Variants in ERICH1 observed in about 807,000 individuals in gnomAD.
ERICH1 encodes the protein glutamate rich 1, also known as glutamate-rich protein 1.
In ERICH1, 56 loss-of-function variants were observed where a neutral mutation model predicts 39.6. That is an observed-to-expected ratio of 1.41 (90% confidence interval 1.14 to 1.77). ERICH1 has a LOEUF of 1.77. Among genes scored for constraint, ERICH1 ranks in the 40% most tolerant of loss-of-function variants. ERICH1 has a pLI of 0.00. For missense variants in ERICH1, 826 were observed against 575.4 expected (o/e 1.44, Z -4.45); for synonymous variants, 313 against 223.6 (o/e 1.40, Z -3.57).
At chr8:681,993 C>T (rs1313728512) in intron 3 of ERICH1, among the ~76,000 whole-genome samples, 1 of 152,188 alleles carries the variant, frequency 6.6e-6, no homozygotes, top group East Asian at 1.9e-4. Flanking sequence ...GCCAGACTCT[C>T]CCTCACCTTT....
chr8:727,833 G>A (rs1044889071), intron 1 of ERICH1, among the ~76,000 whole-genome samples: 15 of 152,224 alleles, frequency 9.9e-5, no homozygotes, highest in Non-Finnish European at 1.9e-4. Context: ...GAAACTGCAG[G>A]ACAAGGAGTC....
chr8:615,218 G>C (rs889059396), exon 4 of ERICH1: 11 of 684,618 alleles, frequency 1.6e-5, no homozygotes, highest in Non-Finnish European at 2.4e-5. Context: ...CAGCACCACA[G>C]CTGGTTAAGG....
chr8:709,857 C>T (rs1814291434), intron 2 of ERICH1, among the ~76,000 whole-genome samples: 1 of 152,156 alleles, frequency 6.6e-6, no homozygotes, highest in Non-Finnish European at 1.5e-5. Context: ...CTTCAACTGC[C>T]CCACCTAATT....
At chr8:662,439 G>A (rs1343171920), downstream of ERICH1, among the ~76,000 whole-genome samples, 4 of 151,484 alleles carry the variant, frequency 2.6e-5, no homozygotes, top group African/African-American at 7.3e-5. Context: ...ACCTGAGGTC[G>A]GGAGTTCAAG....
rs1563295999 is a variant in ERICH1, at chr8:699,866, CCCTCACAGGCGCACAGAT to C, written c.170-7272_170-7255del. Among the ~76,000 whole-genome samples the C allele has an allele frequency of 8.4e-3, 851 of 101,894 alleles. 17 individuals are homozygous for C. The highest frequency in any genetic ancestry group is 0.015 in the East Asian group (35 of 2,308). 66.8% of individuals were successfully genotyped at this position (101,894 alleles called of 152,430 possible). On this transcript the variant is annotated intron_variant, in intron 2 of 5. Transcript: ENST00000262109. ...GCACAGACCCGCACACGCGCACAGACCCTCACAGGCGCACAGATCCGCACACGCGCACAGACCCGCACA... is the reference window on the plus strand; with the variant it reads ...GCACAGACCCGCACACGCGCACAGACCCGCACACGCGCACAGACCCGCACA...
At chr8:622,274 TC>T (rs1347610826) in intron 3 of ERICH1, among the ~76,000 whole-genome samples, 2 of 152,114 alleles carry the variant, frequency 1.3e-5, no homozygotes, top group Non-Finnish European at 2.9e-5. Context: ...AATGTTTGTA[TC>T]CACCCCCCAT....
chr8:699,736 C>G (rs536368383), intron 2 of ERICH1, among the ~76,000 whole-genome samples: 1 of 143,292 alleles, frequency 7.0e-6, no homozygotes, highest in Non-Finnish European at 1.5e-5. Context: ...CTCACAGGCG[C>G]ACAGACACGC....
intron 3 of ERICH1, among the ~76,000 whole-genome samples, chr8:629,499 A>ACTCACACCCGC (rs1797817984): frequency 3.5e-5 from 1 of 28,438 alleles, no homozygotes; most frequent in African/African-American, 2.4e-4. Context: ...CTCACACGCT[A>ACTCACACCCGC]CTGTGACCAC....
intron 2 of ERICH1, among the ~76,000 whole-genome samples, chr8:709,007 T>C (rs1814093735): frequency 6.6e-6 from 1 of 152,064 alleles, no homozygotes; most frequent in South Asian, 2.1e-4. Flanking sequence ...TGTTTCTTTT[T>C]GGTGTGGTAA....
chr8:701,164 C>A (rs561201494), intron 2 of ERICH1, among the ~76,000 whole-genome samples: 12 of 152,268 alleles, frequency 7.9e-5, no homozygotes, highest in Non-Finnish European at 1.5e-4. Context: ...ACCAGGTGGA[C>A]GGGTCTGCCC....
At chr8:700,199 GCCGGCACAGGCGCACACA>G (rs1811615850) in intron 2 of ERICH1, among the ~76,000 whole-genome samples, 23 of 83,902 alleles carry the variant, frequency 2.7e-4, no homozygotes, top group South Asian at 4.4e-4. Flanking sequence ...ACGCGCACAG[GCCGGCACAGGCGCACACA>G]CCCGCACACG....
chr8:626,099 G>C (rs1040818804), intron 3 of ERICH1: 5 of 152,052 alleles, frequency 3.3e-5, no homozygotes, highest in Non-Finnish European at 7.3e-5. Context: ...ACCCTCCCTG[G>C]CCTTCTGTGT....
intron 2 of ERICH1, among the ~76,000 whole-genome samples, chr8:698,471 G>A (rs1585423240): frequency 6.6e-6 from 1 of 151,932 alleles, no homozygotes; most frequent in East Asian, 1.9e-4. Flanking sequence ...CTCCTGCCTC[G>A]GCCTCCTAAA....
intron 2 of ERICH1, among the ~76,000 whole-genome samples, chr8:705,886 A>C (rs11775736): frequency 0.35 from 53,592 of 152,068 alleles, 9,598 homozygotes; most frequent in East Asian, 0.49. Flanking sequence ...GCGGACCCTG[A>C]AGATGGTAAC....
In ERICH1 at chr8:685,439, G is replaced by A. The variant is rs149992506; in HGVS notation, c.304+7039C>T. 4.6e-5 allele frequency among the ~76,000 whole-genome samples: 7 copies of A among 152,238 alleles called. No homozygotes were observed. The East Asian group carries it at 1.2e-3, about 25-fold the overall frequency. ...TGTGCAGTTAACGCAACCATCACAGGGTCCTGAGGCAACATACATTCTCAG... is the reference window on the plus strand; with the variant it reads ...TGTGCAGTTAACGCAACCATCACAGAGTCCTGAGGCAACATACATTCTCAG... On this transcript the variant is annotated intron_variant, in intron 3 of 5. Coordinates refer to ENST00000262109, the MANE Select transcript of ERICH1 (RefSeq NM_207332.3).
At chr8:699,851 G>GCACACGCGCACAGGCCCT in intron 2 of ERICH1, among the ~76,000 whole-genome samples, 1 of 96,146 alleles carries the variant, frequency 1.0e-5, no homozygotes. Flanking sequence ...GCACAGACCC[G>GCACACGCGCACAGGCCCT]CACACGCGCA....
intron 3 of ERICH1, among the ~76,000 whole-genome samples, chr8:688,551 A>G (rs1808183713): frequency 6.6e-6 from 1 of 152,058 alleles, no homozygotes; most frequent in South Asian, 2.1e-4. Context: ...ACCGCCCAAC[A>G]CAAGCGTTTA....
rs201050121 is a variant in ERICH1 at position 716,013 on chromosome 8, C to T, written c.23-6G>A. 70 of 1,586,254 alleles carry T rather than the reference C, an allele frequency of 4.4e-5. No homozygotes were observed. The highest frequency in any genetic ancestry group is 7.7e-5 in the Admixed American group (4 of 51,980). On this transcript the variant is annotated splice_polypyrimidine_tract_variant and splice_region_variant and intron_variant, in intron 1 of 5. Transcript: ENST00000262109. ...CAGCACCTTCTCCACAAACACTGTA[C>T]AGACAACCGATTAAAAGAAAAGGAG...
At chr8:699,787 G>C (rs1811326379) in intron 2 of ERICH1, among the ~76,000 whole-genome samples, 1 of 69,852 alleles carries the variant, frequency 1.4e-5, no homozygotes, top group Non-Finnish European at 3.6e-5. Flanking sequence ...CCGCACACGC[G>C]CACAGACCCG....
Sources: gnomAD v4.1 joint callset for allele counts (sites outside exome capture counted in the v4.1 genomes callset) on GRCh38, gnomAD v4.1.1 for gene constraint, MANE v1.5 for transcripts, NCBI Gene and HGNC (gene_info 2026-07-23, HGNC 2026-07-21) for gene names.